Variants in POLI observed in about 807,000 individuals in gnomAD.
The protein encoded by POLI is DNA polymerase iota.
A neutral mutation model predicts 51.6 loss-of-function variants in POLI; 58 were observed. That is an observed-to-expected ratio of 1.12 (90% CI 0.91 to 1.40). The LOEUF is 1.40. Among genes scored for constraint, POLI ranks in the 40% most tolerant of loss-of-function variants. The pLI is 0.00. For synonymous variants in POLI, 322 were observed against 299.7 expected (o/e 1.07, Z -0.77); for missense variants, 921 against 871.3 (o/e 1.06, Z -0.72).
chr18:54,304,284 G>T (rs968688366), intron 3 of POLI, among the ~76,000 whole-genome samples: 1 of 152,196 alleles, frequency 6.6e-6, no homozygotes, highest in East Asian at 1.9e-4. Flanking sequence ...CCAGTAATGG[G>T]ATTGCTGGGT....
chr18:54,299,032 A>G (rs1382363931), downstream of POLI, among the ~76,000 whole-genome samples: 1 of 152,212 alleles, frequency 6.6e-6, no homozygotes, highest in Non-Finnish European at 1.5e-5. Flanking sequence ...AGTGAAATAC[A>G]TTTAATACAT....
chr18:54,303,586 A>AC (rs1161453183), intron 3 of POLI, among the ~76,000 whole-genome samples: 1 of 151,718 alleles, frequency 6.6e-6, no homozygotes, highest in African/African-American at 2.4e-5. Flanking sequence ...TATTTGTGGA[A>AC]CTCCTGCAAG....
chr18:54,273,739 A>T (rs2087113733), intron 2 of POLI, among the ~76,000 whole-genome samples, 187 bp from the exon 3 acceptor site: 1 of 152,158 alleles, frequency 6.6e-6, no homozygotes, highest in African/African-American at 2.4e-5. Context: ...AGATAGCTTG[A>T]AAACCTAATG....
At chr18:54,275,735 C>T (rs375216915) in intron 3 of POLI, among the ~76,000 whole-genome samples, 4 of 151,974 alleles carry the variant, frequency 2.6e-5, no homozygotes, top group Admixed American at 2.0e-4. Flanking sequence ...TTTCTGTTAA[C>T]GTATTCACTT....
intron 3 of POLI, among the ~76,000 whole-genome samples, chr18:54,307,702 T>C (rs1450390955): frequency 6.6e-6 from 1 of 152,172 alleles, no homozygotes; most frequent in Non-Finnish European, 1.5e-5. Flanking sequence ...TCTCCCATTA[T>C]TATTGTGTGG....
intron 1 of POLI, chr18:54,270,164 C>T (rs1054924479): frequency 1.4e-5 from 5 of 354,334 alleles, no homozygotes; most frequent in Non-Finnish European, 2.0e-5. Context: ...ACCTCAGGGC[C>T]TGGATGTAAA....
downstream of POLI, among the ~76,000 whole-genome samples, chr18:54,300,879 G>A (rs888706183): frequency 6.6e-6 from 1 of 152,194 alleles, no homozygotes; most frequent in African/African-American, 2.4e-5. Flanking sequence ...TGATAAACGA[G>A]TCAGTTCATC....
chr18:54,269,794 C>T, intron 1 of POLI, 133 bp downstream of exon 1: 1 of 1,375,036 alleles, frequency 7.3e-7, no homozygotes, highest in Non-Finnish European at 9.3e-7. Flanking sequence ...GAGAGGGCTG[C>T]CTCCCTCTGC....
At chr18:54,318,598 C>A (rs752290424) in intron 3 of POLI, among the ~76,000 whole-genome samples, 48 of 151,894 alleles carry the variant, frequency 3.2e-4, no homozygotes, top group Non-Finnish European at 2.2e-4. Flanking sequence ...TTGTAGAAAT[C>A]TTTTAAACCA....
intron 8 of POLI, among the ~76,000 whole-genome samples, chr18:54,289,369 G>T (rs897245842): frequency 5.3e-5 from 8 of 151,856 alleles, no homozygotes; most frequent in Non-Finnish European, 1.2e-4. Flanking sequence ...GTTGGAGAGG[G>T]CTTAAAAAAT....
chr18:54,294,531 T>G lies in POLI; in HGVS notation c.*64T>G. The G allele has an allele frequency of 6.7e-7, 1 of 1,488,370 alleles. No individual in the cohort carries two copies. Among genetic ancestry groups the G allele is most frequent in the Non-Finnish European group, 8.9e-7 (1 of 1,125,458 alleles). The allele number at this position is 1,488,370 out of a possible 1,614,324, so 92.2% of individuals were successfully genotyped here. A position where few individuals can be genotyped will look rare whatever the true frequency, so the allele number is the denominator to read the frequency against. On this transcript the variant is annotated 3_prime_UTR_variant, in exon 10 of 10. Coordinates refer to ENST00000579534, the MANE Select transcript of POLI (RefSeq NM_007195.3). Reference sequence around the variant, plus strand: ...CATTATTTTCGGATTAGCGGTTTATTAAGCTCTTCTATATTAAACACTAAT... The same window carrying G: ...CATTATTTTCGGATTAGCGGTTTATGAAGCTCTTCTATATTAAACACTAAT...
intron 5 of POLI, among the ~76,000 whole-genome samples, chr18:54,282,253 T>C (rs1310085704): frequency 6.6e-6 from 1 of 152,132 alleles, no homozygotes; most frequent in African/African-American, 2.4e-5. Flanking sequence ...TGGTAAAATT[T>C]TTGTTTTAGT....
At chr18:54,311,067 A>G (rs2088663303) in intron 3 of POLI, 5 of 981,066 alleles carry the variant, frequency 5.1e-6, no homozygotes, top group Non-Finnish European at 6.1e-6. Flanking sequence ...CAGTCTAGCT[A>G]TTTCTTTTGG....
rs58169867 is a variant in POLI, at chr18:54,305,550, ACT to A, written c.334-14718_334-14717del. Among the ~76,000 whole-genome samples, 937 of 142,332 alleles carry A rather than the reference ACT, an allele frequency of 6.6e-3. 110 individuals carry two copies. The highest frequency in any genetic ancestry group is 0.023 in the African/African-American group (903 of 39,180). The allele number at this position is 142,332 out of a possible 152,430, so 93.4% of individuals were successfully genotyped here. On this transcript the variant is annotated intron_variant, in intron 3 of 4. Transcript: ENST00000579823. ...TGAATGGGAGTTCACTCATGATTTG[ACT>A]CTCTGTTTGTCTGTTATTGGTGTAT...
chr18:54,302,467 T>A (rs1006117930), downstream of POLI, among the ~76,000 whole-genome samples: 2 of 152,134 alleles, frequency 1.3e-5, no homozygotes. Flanking sequence ...AATTTCTCAA[T>A]GTTTTTAGTC....
intron 9 of POLI, among the ~76,000 whole-genome samples, chr18:54,293,315 A>C (rs1044834259): frequency 6.6e-6 from 1 of 151,848 alleles, no homozygotes; most frequent in Admixed American, 6.6e-5. Context: ...CCCTTAGGTG[A>C]ACTTGCTTTT....
chr18:54,303,519 G>A (rs575002815), intron 3 of POLI, among the ~76,000 whole-genome samples: 1 of 152,078 alleles, frequency 6.6e-6, no homozygotes, highest in Non-Finnish European at 1.5e-5. Flanking sequence ...TCACATGCTG[G>A]CATTTTTCCT....
Position 54,296,949 on chromosome 18 carries a change from T to C in POLI, c.*2482T>C, listed in dbSNP as rs929190667. On this transcript the variant is annotated 3_prime_UTR_variant, in exon 10 of 10. Coordinates refer to ENST00000579534, the MANE Select transcript of POLI (RefSeq NM_007195.3). ...TATTATTGCATATCATTGTGACTTA[T>C]TTCCTTGAGTATGTGTTAATCTGCG... 2.1e-5 allele frequency: 21 copies of C among 981,386 alleles called. No individual in the cohort carries two copies. The highest frequency in any genetic ancestry group is 5.3e-4 in the Middle Eastern group (1 of 1,902). 60.8% of individuals were successfully genotyped at this position (981,386 alleles called of 1,614,324 possible).
intron 1 of POLI, 179 bp downstream of exon 1, chr18:54,269,840 C>T: frequency 1.5e-6 from 2 of 1,344,666 alleles, no homozygotes; most frequent in African/African-American, 1.5e-5. Flanking sequence ...AGAGGAATGG[C>T]TTCACCCAGC....
Sources: allele counts gnomAD v4.1 joint callset (sites outside exome capture counted in the v4.1 genomes callset), GRCh38; gene constraint gnomAD v4.1.1; transcripts MANE v1.5; gene names NCBI Gene and HGNC (gene_info 2026-07-23, HGNC 2026-07-21).